Variants in RGSL1 observed in about 807,000 individuals in gnomAD.
The protein encoded by RGSL1 is regulator of G protein signaling protein-like.
A neutral mutation model predicts 124.7 loss-of-function variants in RGSL1; 97 were observed. The ratio of observed to expected loss-of-function variants is 0.78; its 90% CI spans 0.66 to 0.92. The LOEUF is 0.92. Among genes scored for constraint, RGSL1 ranks in the 40% least tolerant of loss-of-function variants. The pLI, the probability that RGSL1 is intolerant of heterozygous loss-of-function variation, is 0.00. For synonymous variants in RGSL1, 424 were observed against 438.1 expected (o/e 0.97, Z 0.40); for missense variants, 1,233 against 1,288.4 (o/e 0.96, Z 0.66).
chr1:182,488,179 G>T, intron 6 of RGSL1, 106 bp from the exon 7 acceptor site: 1 of 1,097,428 alleles, frequency 9.1e-7, no homozygotes, highest in Non-Finnish European at 1.3e-6. Context: ...CCAAATTACA[G>T]AACCCAGAAT....
At chr1:182,494,833 A>G (rs1197411453) in intron 9 of RGSL1, among the ~76,000 whole-genome samples, 1 of 152,180 alleles carries the variant, frequency 6.6e-6, no homozygotes, top group East Asian at 1.9e-4. Flanking sequence ...CCATCACTTC[A>G]TCAAGCCAGC....
At chr1:182,528,222 C>T (rs1396843964) in intron 11 of RGSL1, among the ~76,000 whole-genome samples, 2 of 152,020 alleles carry the variant, frequency 1.3e-5, no homozygotes, top group Non-Finnish European at 2.9e-5. Context: ...TGGGGGAAAC[C>T]ACCCCCATGA....
At chr1:182,515,219 C>T (rs1016137458) in intron 9 of RGSL1, among the ~76,000 whole-genome samples, 1 of 152,144 alleles carries the variant, frequency 6.6e-6, no homozygotes, top group African/African-American at 2.4e-5. Context: ...CTTTGCGTTC[C>T]CTGGGCCTTA....
Position 182,473,579 on chromosome 1 carries a change from C to T in RGSL1, c.468C>T (p.Ser156=). Residue 156 remains serine, a synonymous_variant, in exon 6 of 22, where the codon TCC becomes TCT. Transcript: ENST00000294854. ...VVTLCNMNIK[S]LLNLSIWHPN... The stretch of plus-strand genomic sequence containing the variant: ...ATTTCTCTGTATTATTTCCAGAGTC[C>T]CTCCTGAACCTCTCCATCTGGCATC... 1 of 1,529,536 alleles carries T rather than the reference C, an allele frequency of 6.5e-7. No individual in the cohort carries two copies. The highest frequency in any genetic ancestry group is 8.8e-7 in the Non-Finnish European group (1 of 1,136,448). 94.7% of individuals were successfully genotyped at this position (1,529,536 alleles called of 1,614,324 possible).
At chr1:182,472,629 C>G in intron 5 of RGSL1, 72 bp downstream of exon 5, 1 of 1,409,690 alleles carries the variant, frequency 7.1e-7, no homozygotes. Context: ...AATCCTCAGT[C>G]TCCTTCTTTG....
At chr1:182,449,076 C>A (rs1571440058), upstream of RGSL1, among the ~76,000 whole-genome samples, 1 of 152,240 alleles carries the variant, frequency 6.6e-6, no homozygotes, top group East Asian at 1.9e-4. Context: ...TCATGCAGTG[C>A]TTCACACTGA....
intron 18 of RGSL1, 75 bp from the exon 19 acceptor site, chr1:182,553,380 T>C (rs1213333542): frequency 9.1e-7 from 1 of 1,093,662 alleles, no homozygotes; most frequent in Non-Finnish European, 1.4e-6. Context: ...AAGAGCTTTA[T>C]TGCTTACTTA....
chr1:182,545,999 T>C (rs1660189466), intron 15 of RGSL1, among the ~76,000 whole-genome samples: 1 of 152,192 alleles, frequency 6.6e-6, no homozygotes, highest in Non-Finnish European at 1.5e-5. Context: ...TTTGAATAAG[T>C]TTTCTTTTCC....
intron 21 of RGSL1, among the ~76,000 whole-genome samples, 157 bp downstream of exon 21, chr1:182,556,379 T>C (rs1192583418): frequency 2.0e-5 from 3 of 152,172 alleles, no homozygotes; most frequent in Non-Finnish European, 4.4e-5. Context: ...GATGTAAAGA[T>C]CACTGAAGGC....
chr1:182,536,768 C>T (rs893242942), intron 14 of RGSL1, among the ~76,000 whole-genome samples: 1 of 152,010 alleles, frequency 6.6e-6, no homozygotes, highest in African/African-American at 2.4e-5. Context: ...AGGGAAACTC[C>T]CCTTTTTAAA....
intron 14 of RGSL1, among the ~76,000 whole-genome samples, chr1:182,536,038 T>C (rs1277539705): frequency 1.3e-5 from 2 of 152,188 alleles, no homozygotes; most frequent in Non-Finnish European, 2.9e-5. Flanking sequence ...CAAGCAGTAG[T>C]CTTAATGCAT....
At chr1:182,448,434 G>C (rs1423873526), upstream of RGSL1, 2 of 152,122 alleles carry the variant, frequency 1.3e-5, no homozygotes, top group Non-Finnish European at 1.5e-5. Flanking sequence ...ATGTTGGCCA[G>C]TCTGGTCTCT....
chr1:182,555,415 C>T (rs1165415582), intron 20 of RGSL1: 1 of 154,316 alleles, frequency 6.5e-6, no homozygotes, highest in African/African-American at 2.4e-5. Flanking sequence ...ATATTCCAGG[C>T]TGCTCAGGGC....
intron 15 of RGSL1, among the ~76,000 whole-genome samples, chr1:182,547,468 G>A (rs999994518): frequency 2.0e-5 from 3 of 152,124 alleles, no homozygotes; most frequent in Non-Finnish European, 4.4e-5. Context: ...ACCACATTGC[G>A]TCTTCTTCCT....
intron 8 of RGSL1, 70 bp downstream of exon 8, chr1:182,489,272 C>A: frequency 7.6e-7 from 1 of 1,318,670 alleles, no homozygotes; most frequent in Non-Finnish European, 1.1e-6. Flanking sequence ...TTAACATTTA[C>A]TAATTATTTA....
intron 10 of RGSL1, among the ~76,000 whole-genome samples, chr1:182,524,198 C>G (rs2102245233): frequency 6.6e-6 from 1 of 152,192 alleles, no homozygotes; most frequent in African/African-American, 2.4e-5. Flanking sequence ...GATTAAATGG[C>G]AATAAGGGGA....
At chr1:182,531,761 G>C (rs753783923) in intron 13 of RGSL1, among the ~76,000 whole-genome samples, 9 of 152,102 alleles carry the variant, frequency 5.9e-5, no homozygotes, top group Non-Finnish European at 1.0e-4. Flanking sequence ...GCTTCCAGTT[G>C]TTCCTAGAAA....
intron 4 of RGSL1, among the ~76,000 whole-genome samples, chr1:182,469,627 A>G (rs969108661): frequency 2.6e-5 from 4 of 152,180 alleles, no homozygotes; most frequent in African/African-American, 7.2e-5. Flanking sequence ...TAGAATTACC[A>G]TATGGTCCAG....
rs144461157 is a variant in RGSL1 at position 182,511,462 on chromosome 1, G to A, written c.1826-10542G>A. On this transcript the variant is annotated intron_variant, in intron 9 of 21. Coordinates refer to ENST00000294854, the MANE Select transcript of RGSL1 (RefSeq NM_001137669.2). ...TACAGGTTTACAGGTATGAGCCACCGCGCCTGTCCAGTTATCCAGCTTTCT... is the reference window on the plus strand; with the variant it reads ...TACAGGTTTACAGGTATGAGCCACCACGCCTGTCCAGTTATCCAGCTTTCT... 7.8e-3 allele frequency among the ~76,000 whole-genome samples: 1,195 copies of A among 152,248 alleles called. 13 individuals carry two copies. The highest frequency in any genetic ancestry group is 0.025 in the African/African-American group (1,054 of 41,548).
Sources: gnomAD v4.1 joint callset for allele counts (sites outside exome capture counted in the v4.1 genomes callset) on GRCh38, gnomAD v4.1.1 for gene constraint, MANE v1.5 for transcripts, NCBI Gene and HGNC (gene_info 2026-07-23, HGNC 2026-07-21) for gene names.